The following SRBD1 variants were observed in gnomAD, a reference collection of about 807,000 sequenced individuals.
SRBD1 encodes S1 RNA-binding domain-containing protein 1.
In SRBD1, 88 loss-of-function variants were observed where a neutral mutation model predicts 115.3. The observed-to-expected ratio is 0.76, with a 90% CI of 0.64 to 0.91. The LOEUF is 0.91. Ranked by LOEUF, SRBD1 falls within the 40% of genes least tolerant of loss-of-function variation. The pLI is 0.00. For missense variants in SRBD1, 1,385 were observed against 1,177.4 expected (o/e 1.18, Z -2.58); for synonymous variants, 509 against 407.7 (o/e 1.25, Z -2.99).
rs552842752 is a variant in SRBD1 at position 45,457,520 on chromosome 2, T to G, written c.2049+19473A>C. On this transcript the variant is annotated intron_variant, in intron 16 of 20. Transcript: ENST00000263736. ...CCTGCTCCAATTAAGCTAGAAGTAA[T>G]CTTTTTATTTCAAATCTCAACTTCA... 3.3e-5 allele frequency among the ~76,000 whole-genome samples: 5 copies of G among 152,124 alleles called. No individual in the cohort carries two copies. In the East Asian group the frequency reaches 9.6e-4, roughly 29 times the overall value.
chr2:45,571,640 C>G (rs1572792086), intron 9 of SRBD1, among the ~76,000 whole-genome samples: 1 of 150,574 alleles, frequency 6.6e-6, no homozygotes. Flanking sequence ...GAACAGAGAC[C>G]TAAAGAAAGC....
intron 16 of SRBD1, among the ~76,000 whole-genome samples, chr2:45,459,880 T>C (rs1027616082): frequency 3.2e-4 from 48 of 152,212 alleles, no homozygotes; most frequent in African/African-American, 1.1e-3. Flanking sequence ...GTGAAAATGT[T>C]TCTGAAATTT....
At chr2:45,599,905 A>T in intron 3 of SRBD1, 70 bp from the exon 4 acceptor site, 1 of 1,467,724 alleles carries the variant, frequency 6.8e-7, no homozygotes, top group Non-Finnish European at 9.1e-7. Flanking sequence ...TATTACTCAC[A>T]AATAAAAGTG....
Position 45,560,188 on chromosome 2 carries a change from T to C in SRBD1, c.1409+2465A>G, listed in dbSNP as rs114372864. 1.7e-3 allele frequency among the ~76,000 whole-genome samples: 257 copies of C among 152,284 alleles called. 1 individual carries two copies. Among genetic ancestry groups the C allele is most frequent in the African/African-American group, 5.9e-3 (247 of 41,554 alleles). ...ACATGTTACATTGTAGGCTAAATAATATTACAAATTTTTCAATTGGAGAAC... is the reference window on the plus strand; with the variant it reads ...ACATGTTACATTGTAGGCTAAATAACATTACAAATTTTTCAATTGGAGAAC... On this transcript the variant is annotated intron_variant, in intron 10 of 20. Coordinates refer to ENST00000263736, the MANE Select transcript of SRBD1 (RefSeq NM_018079.5).
At position 45,477,661 on chromosome 2, in the gene SRBD1, T is replaced by G. The variant is rs866033346; in HGVS notation, c.1967-586A>C. 7.2e-5 allele frequency among the ~76,000 whole-genome samples: 11 copies of G among 152,282 alleles called. 1 individual carries two copies. The highest frequency in any genetic ancestry group is 6.8e-3 in the Middle Eastern group (2 of 294). On this transcript the variant is annotated intron_variant, in intron 15 of 20. Coordinates refer to ENST00000263736, the MANE Select transcript of SRBD1 (RefSeq NM_018079.5). ...AACTCCTGGGCTCAAGCAATCCTCT[T>G]GCCTCACCCCTCCAAAGTGTTGGGA...
At chr2:45,414,435 C>T (rs369981906) in intron 18 of SRBD1, among the ~76,000 whole-genome samples, 4 of 131,238 alleles carry the variant, frequency 3.0e-5, no homozygotes, top group South Asian at 2.4e-4. Context: ...TATACATATA[C>T]ACTATATAGT....
At position 45,533,044 on chromosome 2, in the gene SRBD1, G is replaced by C. The variant is rs532501218; in HGVS notation, c.1874+13688C>G. ...CTAGATATTCCCTCAATAAGAAACT[G>C]AATACATTTTTTAAAACGTGTTGGC... On this transcript the variant is annotated intron_variant, in intron 14 of 20. Transcript: ENST00000263736. Among the ~76,000 whole-genome samples, 20 of 152,058 alleles carry C rather than the reference G, an allele frequency of 1.3e-4. No individual in the cohort carries two copies. In the East Asian group the frequency reaches 3.5e-3, roughly 26 times the overall value.
chr2:45,543,919 A>C (rs968769057), intron 14 of SRBD1, among the ~76,000 whole-genome samples: 1 of 152,222 alleles, frequency 6.6e-6, no homozygotes, highest in African/African-American at 2.4e-5. Flanking sequence ...AAAACAGACT[A>C]TAGGAGAAAG....
chr2:45,405,430 C>T (rs1044691600), intron 19 of SRBD1, among the ~76,000 whole-genome samples: 1 of 152,102 alleles, frequency 6.6e-6, no homozygotes. Context: ...ATTTTAGAAA[C>T]ATAGAGTTTC....
intron 15 of SRBD1, among the ~76,000 whole-genome samples, chr2:45,482,450 G>C (rs1669993836): frequency 6.6e-6 from 1 of 151,984 alleles, no homozygotes; most frequent in South Asian, 2.1e-4. Flanking sequence ...AATAACACAG[G>C]AGTTGGGGAG....
chr2:45,562,736 T>A lies in SRBD1; in HGVS notation c.1326A>T (p.Gly442=). The A allele has an allele frequency of 6.2e-7, 1 of 1,608,624 alleles. No individual in the cohort carries two copies. Among genetic ancestry groups the A allele is most frequent in the Non-Finnish European group, 8.5e-7 (1 of 1,178,526 alleles). ...HHHQILAINR[G]ENLKVLTVKV... Reference sequence around the variant, plus strand: ...TAACCGTCAGTACCTTCAAATTTTCTCCACGGTTAATTGCCAGAATCTGAG... The same window carrying A: ...TAACCGTCAGTACCTTCAAATTTTCACCACGGTTAATTGCCAGAATCTGAG... The change falls in exon 10 of 21, where the codon GGA becomes GGT. Residue 442 remains glycine (G), a synonymous_variant. Transcript: ENST00000263736.
At chr2:45,541,352 G>A (rs1254043065) in intron 14 of SRBD1, among the ~76,000 whole-genome samples, 1 of 152,226 alleles carries the variant, frequency 6.6e-6, no homozygotes, top group Non-Finnish European at 1.5e-5. Flanking sequence ...GCTCCCCAAA[G>A]GGCTGCAGCT....
At chr2:45,459,675 TC>T (rs1280437452) in intron 16 of SRBD1, among the ~76,000 whole-genome samples, 12 of 152,154 alleles carry the variant, frequency 7.9e-5, no homozygotes, top group Non-Finnish European at 1.5e-5. Context: ...TTGAGGCACT[TC>T]CATGTCTAAT....
At chr2:45,571,528 A>AC (rs1673014010) in intron 9 of SRBD1, among the ~76,000 whole-genome samples, 1 of 148,848 alleles carries the variant, frequency 6.7e-6, no homozygotes, top group East Asian at 2.0e-4. Context: ...AAAAAAAAAA[A>AC]AAAAAAAAAA....
intron 16 of SRBD1, among the ~76,000 whole-genome samples, chr2:45,465,221 G>A (rs1284211069): frequency 6.6e-6 from 1 of 152,120 alleles, no homozygotes; most frequent in Non-Finnish European, 1.5e-5. Context: ...CTAATACGGT[G>A]TAAAGGCTAT....
At chr2:45,601,684 T>C (rs916848119) in intron 3 of SRBD1, among the ~76,000 whole-genome samples, 2 of 152,190 alleles carry the variant, frequency 1.3e-5, no homozygotes, top group African/African-American at 4.8e-5. Flanking sequence ...GCCACCATCA[T>C]TACCAGCACT....
chr2:45,426,740 G>T (rs867591521), intron 16 of SRBD1, among the ~76,000 whole-genome samples: 1 of 152,168 alleles, frequency 6.6e-6, no homozygotes, highest in Non-Finnish European at 1.5e-5. Flanking sequence ...GCAAACTCCA[G>T]AAGACCTGCA....
At chr2:45,436,217 T>G (rs960579348) in intron 16 of SRBD1, among the ~76,000 whole-genome samples, 4 of 152,136 alleles carry the variant, frequency 2.6e-5, no homozygotes, top group South Asian at 2.1e-4. Context: ...CACTCATTCA[T>G]GATAAAAATT....
At chr2:45,585,908 G>C in intron 4 of SRBD1, 134 bp from the exon 5 acceptor site, 1 of 660,322 alleles carries the variant, frequency 1.5e-6, no homozygotes, top group South Asian at 2.5e-5. Flanking sequence ...TTAAAAAAAA[G>C]AAAGCCATAT....
Sources: gnomAD v4.1 joint callset for allele counts (sites outside exome capture counted in the v4.1 genomes callset) on GRCh38, gnomAD v4.1.1 for gene constraint, MANE v1.5 for transcripts, NCBI Gene and HGNC (gene_info 2026-07-23, HGNC 2026-07-21) for gene names.